Variants in NRXN3 observed in about 807,000 individuals in gnomAD.
NRXN3 encodes neurexin 3.
NRXN3 carries 32 observed loss-of-function variants against 137.6 expected under a neutral mutation model. That is an observed-to-expected ratio of 0.23 (90% CI 0.18 to 0.31). The LOEUF (loss-of-function observed/expected upper bound fraction) is 0.31. Among genes scored for constraint, NRXN3 ranks in the 10% least tolerant of loss-of-function variants. The pLI is 1.00. For synonymous variants in NRXN3, 798 were observed against 784.5 expected, an observed-to-expected ratio of 1.02 and a Z score of -0.29; for missense variants, 1,574 against 2,062.5, an observed-to-expected ratio of 0.76 and a Z score of 4.59.
At chr14:79,709,118 C>T (rs370464110) in intron 19 of NRXN3, among the ~76,000 whole-genome samples, 45 of 152,202 alleles carry the variant, frequency 3.0e-4, no homozygotes, top group African/African-American at 1.0e-3. Flanking sequence ...TTTTAATGCA[C>T]GTCCGGGGTG....
At chr14:78,549,495 GTGC>G (rs1555363797) in intron 4 of NRXN3, among the ~76,000 whole-genome samples, 1 of 152,198 alleles carries the variant, frequency 6.6e-6, no homozygotes, top group Non-Finnish European at 1.5e-5. Context: ...CAAGCTTACA[GTGC>G]TGTTTGAGAT....
At chr14:79,584,926 G>A (rs952932192) in intron 16 of NRXN3, among the ~76,000 whole-genome samples, 1 of 152,166 alleles carries the variant, frequency 6.6e-6, no homozygotes, top group African/African-American at 2.4e-5. Flanking sequence ...GAAAGATTTT[G>A]AGTCATAGCT....
At chr14:79,655,112 T>TGAC (rs1299480102) in intron 16 of NRXN3, among the ~76,000 whole-genome samples, 1 of 152,212 alleles carries the variant, frequency 6.6e-6, no homozygotes, top group East Asian at 1.9e-4. Context: ...CTGACTAAAA[T>TGAC]GACCTAGTCT....
intron 4 of NRXN3, among the ~76,000 whole-genome samples, chr14:78,497,118 G>A (rs2095797607): frequency 6.6e-6 from 1 of 152,032 alleles, no homozygotes; most frequent in Admixed American, 6.6e-5. Flanking sequence ...AGGCATTGTA[G>A]GATCTAGATC....
chr14:79,631,624 A>C (rs1013949882), intron 16 of NRXN3, among the ~76,000 whole-genome samples: 1 of 152,212 alleles, frequency 6.6e-6, no homozygotes, highest in Non-Finnish European at 1.5e-5. Context: ...GTCGCCAGTG[A>C]GTGCCACTGA....
chr14:79,776,610 G>A (rs182264121), intron 19 of NRXN3, among the ~76,000 whole-genome samples: 35 of 152,278 alleles, frequency 2.3e-4, no homozygotes, highest in African/African-American at 7.9e-4. Flanking sequence ...CTTCTCTGAC[G>A]TAGAGGACTG....
At chr14:78,406,437 G>A (rs780521614) in intron 4 of NRXN3, among the ~76,000 whole-genome samples, 3 of 152,194 alleles carry the variant, frequency 2.0e-5, no homozygotes, top group South Asian at 4.1e-4. Context: ...AACTGTGGCT[G>A]GGGGTAGACA....
intron 16 of NRXN3, among the ~76,000 whole-genome samples, chr14:79,589,550 T>TAA (rs58740411): frequency 0.085 from 7,404 of 86,902 alleles, 472 homozygotes; most frequent in East Asian, 0.25. Flanking sequence ...GTAGAATACC[T>TAA]AAAAAAAAAA....
At chr14:79,360,807 G>A (rs10147102) in intron 15 of NRXN3, among the ~76,000 whole-genome samples, 2,380 of 152,278 alleles carry the variant, frequency 0.016, 66 homozygotes, top group African/African-American at 0.054. Flanking sequence ...TGACCTTAGC[G>A]AATTTACCTA....
At chr14:79,507,111 C>G (rs1469091523) in intron 16 of NRXN3, among the ~76,000 whole-genome samples, 1 of 152,166 alleles carries the variant, frequency 6.6e-6, no homozygotes, top group Admixed American at 6.5e-5. Context: ...TATTTTCTGG[C>G]TCTGTGAACA....
intron 6 of NRXN3, among the ~76,000 whole-genome samples, chr14:78,677,573 T>C (rs545756488): frequency 6.6e-6 from 1 of 152,292 alleles, no homozygotes; most frequent in African/African-American, 2.4e-5. Flanking sequence ...TTGGTAAAGA[T>C]GCTGTGGACA....
At chr14:78,747,780 CT>C (rs2098618218) in intron 8 of NRXN3, among the ~76,000 whole-genome samples, 1 of 152,166 alleles carries the variant, frequency 6.6e-6, no homozygotes, top group Admixed American at 6.6e-5. Flanking sequence ...TCTTAACTAA[CT>C]TGTAGACAAT....
At chr14:79,394,895 G>A (rs776378510) in intron 15 of NRXN3, among the ~76,000 whole-genome samples, 8 of 152,254 alleles carry the variant, frequency 5.3e-5, no homozygotes, top group Admixed American at 2.6e-4. Flanking sequence ...CTGGTAAATT[G>A]CTGAGCTGGG....
intron 19 of NRXN3, among the ~76,000 whole-genome samples, chr14:79,786,353 A>G (rs1453507462): frequency 3.9e-5 from 6 of 152,202 alleles, no homozygotes; most frequent in Non-Finnish European, 7.3e-5. Flanking sequence ...ACATTTTATG[A>G]TATAAATAGA....
intron 18 of NRXN3, among the ~76,000 whole-genome samples, chr14:79,697,055 G>T (rs1323059738): frequency 6.6e-6 from 1 of 151,862 alleles, no homozygotes; most frequent in Non-Finnish European, 1.5e-5. Context: ...GATACGTTTG[G>T]TGACTAGAAA....
At chr14:78,535,666 A>G (rs1040854014) in intron 4 of NRXN3, among the ~76,000 whole-genome samples, 1 of 152,204 alleles carries the variant, frequency 6.6e-6, no homozygotes, top group Non-Finnish European at 1.5e-5. Flanking sequence ...GATGTAGTTG[A>G]AAGAGGATGC....
chr14:79,071,533 G>T (rs1406265167), intron 15 of NRXN3, among the ~76,000 whole-genome samples: 1 of 152,116 alleles, frequency 6.6e-6, no homozygotes, highest in Non-Finnish European at 1.5e-5. Context: ...CAATGGATTT[G>T]CAGTCAGTGA....
intron 18 of NRXN3, among the ~76,000 whole-genome samples, chr14:79,693,462 A>C (rs910350930): frequency 3.9e-5 from 6 of 152,016 alleles, no homozygotes; most frequent in African/African-American, 1.2e-4. Context: ...AATTTTGTTT[A>C]GTAATCATCA....
At chr14:79,685,819 T>A (rs944270508) in intron 17 of NRXN3, among the ~76,000 whole-genome samples, 6 of 152,134 alleles carry the variant, frequency 3.9e-5, no homozygotes, top group African/African-American at 1.2e-4. Flanking sequence ...AGAAATGGAT[T>A]TTTGATTTGT....
Sources: gnomAD v4.1 joint callset for allele counts (sites outside exome capture counted in the v4.1 genomes callset) on GRCh38, gnomAD v4.1.1 for gene constraint, MANE v1.5 for transcripts, NCBI Gene and HGNC (gene_info 2026-07-23, HGNC 2026-07-21) for gene names.